ZNF700: variants seen among roughly 807,000 people sequenced by gnomAD.
The protein encoded by ZNF700 is zinc finger protein 700.
Under a neutral mutation model 65.3 loss-of-function variants are expected in ZNF700, and 38 were observed. That is an observed-to-expected ratio of 0.58 (90% CI 0.45 to 0.76). The LOEUF (loss-of-function observed/expected upper bound fraction) is 0.76, where lower values mean the gene tolerates loss of function less well. Ranked by LOEUF, ZNF700 falls within the 30% of genes least tolerant of loss-of-function variation. ZNF700 has a pLI of 0.00. For synonymous variants in ZNF700, 285 were observed against 290.4 expected, an observed-to-expected ratio of 0.98 and a Z score of 0.19; for missense variants, 857 against 888.4, an observed-to-expected ratio of 0.96 and a Z score of 0.45.
Position 11,934,558 on chromosome 19 carries a change from C to CTT in ZNF700, c.63+9288_63+9289dup, listed in dbSNP as rs1257752839. Among the ~76,000 whole-genome samples the CTT allele has an allele frequency of 1.4e-5, 2 of 147,520 alleles. 1 individual carries two copies. Among genetic ancestry groups the CTT allele is most frequent in the Admixed American group, 1.3e-4 (2 of 15,016 alleles). ...TTGTTTGTTTGGAGATGCAGTTTCG[C>CTT]TTTTGTTTCCCTGGCTGGAGTGCAA... On this transcript the variant is annotated intron_variant, in intron 1 of 3. Transcript: ENST00000254321.
chr19:11,945,979 G>A (rs751929125), intron 1 of ZNF700, among the ~76,000 whole-genome samples: 3 of 152,102 alleles, frequency 2.0e-5, no homozygotes, highest in Non-Finnish European at 4.4e-5. Context: ...GGATAAGGGG[G>A]TGACCGGGGT....
chr19:11,947,614 C>T (rs756553108), intron 3 of ZNF700, 40 bp downstream of exon 3: 15 of 1,539,502 alleles, frequency 9.7e-6, no homozygotes, highest in African/African-American at 1.4e-5. Flanking sequence ...TCTCTCTGCA[C>T]AATCTTAGAA....
intron 3 of ZNF700, 47 bp from the exon 4 acceptor site, chr19:11,948,229 A>C: frequency 1.3e-6 from 2 of 1,578,942 alleles, no homozygotes; most frequent in Non-Finnish European, 1.7e-6. Context: ...TTAATATAGA[A>C]GTACTTGTAA....
At position 11,950,100 on chromosome 19, in the gene ZNF700, A is replaced by T. The variant is rs768224226; in HGVS notation, c.2076A>T (p.Gln692His). Reference protein sequence around the residue: ...GNGFTSAKILQIHARTHIGEK... With the variant: ...GNGFTSAKILHIHARTHIGEK... ...GATTCACATCTGCCAAGATTCTTCA[A>T]ATACATGCAAGAACACACATTGGAG... The change falls in exon 4 of 4, where the codon CAA (glutamine) becomes CAT (histidine). Residue 692 changes from glutamine (Q) to histidine (H), a missense_variant. Transcript: ENST00000254321. The T allele has an allele frequency of 3.7e-6, 6 of 1,614,080 alleles. No individual in the cohort carries two copies. The highest frequency in any genetic ancestry group is 5.1e-6 in the Non-Finnish European group (6 of 1,180,038).
Position 11,949,365 on chromosome 19 carries a change from A to T in ZNF700, c.1341A>T (p.Glu447Asp). The change falls in exon 4 of 4, where the codon GAA (glutamate) becomes GAT (aspartate). Residue 447 changes from glutamate (E) to aspartate (D), a missense_variant. Physicochemically the swap from Glu to Asp is conservative, Grantham distance 45. Coordinates refer to ENST00000254321, the MANE Select transcript of ZNF700 (RefSeq NM_144566.3). ...GGTHTGEKPY[E>D]CKECGKAFRS... is the part of the protein sequence containing the mutation. ...CTCACACTGGAGAGAAACCCTATGA[A>T]TGTAAGGAATGTGGGAAAGCCTTCA... 2 of 1,607,456 alleles carry T rather than the reference A, an allele frequency of 1.2e-6. No homozygotes were observed. Among genetic ancestry groups the T allele is most frequent in the South Asian group, 2.2e-5 (2 of 90,408 alleles).
chr19:11,946,579 C>G (rs1025980298), intron 1 of ZNF700, among the ~76,000 whole-genome samples: 3 of 152,052 alleles, frequency 2.0e-5, no homozygotes, highest in African/African-American at 4.8e-5. Flanking sequence ...GTCTGGATAC[C>G]CTGGCTTACA....
intron 1 of ZNF700, among the ~76,000 whole-genome samples, chr19:11,929,370 G>T (rs555006613): frequency 6.8e-6 from 1 of 148,134 alleles, no homozygotes; most frequent in Non-Finnish European, 1.5e-5. Flanking sequence ...TACCACACTG[G>T]CCAGGCTAGT....
In ZNF700 at chr19:11,934,188, T is replaced by TTA. The variant is rs1555700237; in HGVS notation, c.63+8915_63+8916insTA. Reference sequence around the variant, plus strand: ...GTGTGAGACCTCATCTATTTTTTTTTAAAAAAAGACTCACCTTGTTTGAGT... The same window carrying TTA: ...GTGTGAGACCTCATCTATTTTTTTTTTAAAAAAAAGACTCACCTTGTTTGAGT... On this transcript the variant is annotated intron_variant, in intron 1 of 3. Coordinates refer to ENST00000254321, the MANE Select transcript of ZNF700 (RefSeq NM_144566.3). Among the ~76,000 whole-genome samples the TTA allele has an allele frequency of 4.7e-5, 7 of 147,644 alleles. 1 individual carries two copies. The highest frequency in any genetic ancestry group is 1.9e-4 in the African/African-American group (7 of 37,530).
chr19:11,933,105 C>G (rs1413053529), intron 1 of ZNF700, among the ~76,000 whole-genome samples: 1 of 147,914 alleles, frequency 6.8e-6, no homozygotes, highest in Admixed American at 6.6e-5. Flanking sequence ...CTTCCAAGCT[C>G]ATAGTTCCCC....
intron 1 of ZNF700, among the ~76,000 whole-genome samples, chr19:11,933,846 GAAAA>G (rs747851420): frequency 1.9e-5 from 2 of 106,620 alleles, no homozygotes; most frequent in African/African-American, 3.7e-5. Context: ...CTCCATCTCA[GAAAA>G]AAAAAAAAAA....
chr19:11,927,864 C>T (rs1599276515), intron 1 of ZNF700, among the ~76,000 whole-genome samples: 2 of 152,262 alleles, frequency 1.3e-5, no homozygotes, highest in East Asian at 3.9e-4. Context: ...TTGTTAGTGT[C>T]AAGATGGAGC....
intron 1 of ZNF700, among the ~76,000 whole-genome samples, chr19:11,941,358 C>T (rs571823571): frequency 1.3e-5 from 2 of 152,306 alleles, no homozygotes; most frequent in South Asian, 2.1e-4. Context: ...CGGCGCTCAT[C>T]GGGGAGGCTC....
Position 11,949,555 on chromosome 19 carries a change from A to T in ZNF700, c.1531A>T (p.Ser511Cys), listed in dbSNP as rs748653121. 2 of 1,611,368 alleles carry T rather than the reference A, an allele frequency of 1.2e-6. No homozygotes were observed. Among genetic ancestry groups the T allele is most frequent in the East Asian group, 2.2e-5 (1 of 44,854 alleles). The change falls in exon 4 of 4, where the codon AGT (serine) becomes TGT (cysteine). Residue 511 changes from serine to cysteine, a missense_variant. By Grantham distance (112) the Ser-to-Cys change is moderately radical. This residue lies in a region of ZNF700 where 603 missense variants were observed against 619.9 expected (regional missense o/e 0.97). Transcript: ENST00000254321. ...MPSGERPYKC[S>C]ICEKGFYSAK... The stretch of plus-strand genomic sequence containing the variant: ...CTCTGGAGAAAGACCTTATAAATGT[A>T]GTATATGTGAGAAAGGCTTTTATTC...
At chr19:11,943,290 G>A (rs1785958380) in intron 1 of ZNF700, among the ~76,000 whole-genome samples, 2 of 152,130 alleles carry the variant, frequency 1.3e-5, no homozygotes, top group African/African-American at 4.8e-5. Flanking sequence ...GACAGCAATT[G>A]GTTAGGTTAA....
intron 1 of ZNF700, among the ~76,000 whole-genome samples, chr19:11,946,311 G>A (rs1416182271): frequency 6.6e-6 from 1 of 152,168 alleles, no homozygotes; most frequent in Non-Finnish European, 1.5e-5. Flanking sequence ...GTCCAGAGGA[G>A]GCACAGGTGC....
intron 1 of ZNF700, among the ~76,000 whole-genome samples, chr19:11,940,981 A>G (rs930903019): frequency 6.6e-6 from 1 of 151,440 alleles, no homozygotes; most frequent in Non-Finnish European, 1.5e-5. Flanking sequence ...CTTGAGCTAG[A>G]TACAGAGTGC....
intron 1 of ZNF700, among the ~76,000 whole-genome samples, chr19:11,931,460 G>A (rs1042643126): frequency 6.8e-6 from 1 of 148,004 alleles, no homozygotes; most frequent in Non-Finnish European, 1.5e-5. Context: ...ATACTATATT[G>A]GGAGTAGGTT....
Position 11,950,530 on chromosome 19 carries a change from A to G in ZNF700, c.*277A>G, listed in dbSNP as rs1177031782. On this transcript the variant is annotated 3_prime_UTR_variant, in exon 4 of 4. Coordinates refer to ENST00000254321, the MANE Select transcript of ZNF700 (RefSeq NM_144566.3). The stretch of plus-strand genomic sequence containing the variant: ...AGGACTTACACTGGAGTGAAACCCT[A>G]TGAATGTAAGCAATGTGGGAAAGCC... The G allele has an allele frequency of 1.1e-5, 7 of 616,424 alleles. No individual in the cohort carries two copies. Among genetic ancestry groups the G allele is most frequent in the East Asian group, 3.3e-5 (1 of 30,148 alleles). The allele number at this position is 616,424 out of a possible 1,614,324, so 38.2% of individuals were successfully genotyped here.
In ZNF700 at chr19:11,942,213, C is replaced by T. The variant is rs1362188268; in HGVS notation, c.64-4968C>T. Among the ~76,000 whole-genome samples the T allele has an allele frequency of 3.3e-5, 5 of 150,850 alleles. No individual in the cohort carries two copies. In the East Asian group the frequency reaches 9.7e-4, roughly 29 times the overall value. ...CTAGCATGCCTGTTTTGGGTGGTCC[C>T]TGGGGGTGTGGGCTTTCCCCTGGAC... On this transcript the variant is annotated intron_variant, in intron 1 of 3. Transcript: ENST00000254321.
Sources: gnomAD v4.1 joint callset for allele counts (sites outside exome capture counted in the v4.1 genomes callset) on GRCh38, gnomAD v4.1.1 for gene constraint, gnomAD v4.1.1 regional missense constraint, MANE v1.5 for transcripts, NCBI Gene and HGNC (gene_info 2026-07-23, HGNC 2026-07-21) for gene names.